SCHIP1: variants seen among roughly 807,000 people sequenced by gnomAD.
SCHIP1 encodes the protein schwannomin-interacting protein 1.
Under a neutral mutation model 29.7 loss-of-function variants are expected in SCHIP1, and 8 were observed. The ratio of observed to expected loss-of-function variants is 0.27; its 90% CI spans 0.16 to 0.49. SCHIP1 has a LOEUF of 0.49. Ranked by LOEUF, SCHIP1 falls within the 20% of genes least tolerant of loss-of-function variation. The pLI, the probability that SCHIP1 is intolerant of heterozygous loss-of-function variation, is 0.99. For synonymous variants in SCHIP1, 76 were observed against 94.9 expected, an observed-to-expected ratio of 0.80 and a Z score of 1.16; for missense variants, 193 against 294.6, an observed-to-expected ratio of 0.66 and a Z score of 2.52.
chr3:159,681,631 C>G, the SCHIP1 span, among the ~76,000 whole-genome samples: 1 of 152,158 alleles, frequency 6.6e-6, no homozygotes, highest in Non-Finnish European at 1.5e-5. Context: ...AATAATAGTC[C>G]ATGGAGTCAC....
the SCHIP1 span, among the ~76,000 whole-genome samples, chr3:159,319,957 T>C: frequency 6.6e-6 from 1 of 152,188 alleles, no homozygotes; most frequent in Non-Finnish European, 1.5e-5. Flanking sequence ...GGTGCTATGC[T>C]CAAAACCTTT....
chr3:159,455,186 C>G, the SCHIP1 span, among the ~76,000 whole-genome samples: 1 of 152,156 alleles, frequency 6.6e-6, no homozygotes, highest in African/African-American at 2.4e-5. Context: ...GGGCAATCAC[C>G]TAGCTGGGAT....
the SCHIP1 span, among the ~76,000 whole-genome samples, chr3:159,390,365 T>C: frequency 1.3e-5 from 2 of 152,128 alleles, no homozygotes; most frequent in Non-Finnish European, 2.9e-5. Flanking sequence ...TTAGATTCTA[T>C]TTAGTGATAC....
At chr3:159,895,214 CT>C (rs1481401757) in intron 6 of SCHIP1, among the ~76,000 whole-genome samples, 1 of 152,148 alleles carries the variant, frequency 6.6e-6, no homozygotes, top group African/African-American at 2.4e-5. Context: ...CGATAAGGTA[CT>C]TTTTCCTGAG....
the SCHIP1 span, among the ~76,000 whole-genome samples, chr3:159,554,072 G>A: frequency 9.2e-5 from 14 of 151,520 alleles, no homozygotes; most frequent in Non-Finnish European, 1.3e-4. Context: ...GGGTGCCACC[G>A]TGTTAGCCGG....
the SCHIP1 span, among the ~76,000 whole-genome samples, chr3:159,307,827 C>T: frequency 4.6e-5 from 7 of 151,960 alleles, no homozygotes; most frequent in Admixed American, 2.6e-4. Context: ...TATTGATTAG[C>T]GATTCCTTTC....
the SCHIP1 span, among the ~76,000 whole-genome samples, chr3:159,719,210 TATACCTC>T: frequency 6.6e-6 from 1 of 152,198 alleles, no homozygotes; most frequent in African/African-American, 2.4e-5. Flanking sequence ...ATCCCTTCCT[TATACCTC>T]ATACAAAAAT....
the SCHIP1 span, among the ~76,000 whole-genome samples, chr3:159,562,772 C>T: frequency 1.3e-5 from 2 of 152,254 alleles, no homozygotes; most frequent in South Asian, 2.1e-4. Flanking sequence ...GAAAATTATA[C>T]TTAAGGAGAT....
chr3:159,849,633 G>A (rs1345461838), intron 1 of SCHIP1, among the ~76,000 whole-genome samples: 1 of 152,168 alleles, frequency 6.6e-6, no homozygotes, highest in Non-Finnish European at 1.5e-5. Context: ...TCTGCAGAGT[G>A]AGTGGGGTCT....
the SCHIP1 span, among the ~76,000 whole-genome samples, chr3:159,726,559 A>T: frequency 6.6e-6 from 1 of 152,322 alleles, no homozygotes; most frequent in South Asian, 2.1e-4. Flanking sequence ...ACCACTTTCC[A>T]GAAGAATCTA....
the SCHIP1 span, among the ~76,000 whole-genome samples, chr3:159,465,391 G>T: frequency 6.6e-6 from 1 of 151,840 alleles, no homozygotes; most frequent in East Asian, 1.9e-4. Flanking sequence ...GAGAGAAAGA[G>T]AGACCATTTA....
the SCHIP1 span, among the ~76,000 whole-genome samples, chr3:159,313,188 C>T: frequency 6.6e-6 from 1 of 152,106 alleles, no homozygotes; most frequent in Non-Finnish European, 1.5e-5. Context: ...ATAAGGATTA[C>T]AGAAGAAGAT....
the SCHIP1 span, among the ~76,000 whole-genome samples, chr3:159,725,221 G>C: frequency 1.3e-5 from 2 of 151,610 alleles, no homozygotes; most frequent in African/African-American, 4.8e-5. Context: ...GTTCCACTTG[G>C]GAAGATGAGA....
At chr3:159,403,096 T>A in the SCHIP1 span, among the ~76,000 whole-genome samples, 3 of 152,090 alleles carry the variant, frequency 2.0e-5, no homozygotes, top group South Asian at 4.1e-4. Context: ...TTTACAAAAG[T>A]AAAGATCTCA....
chr3:159,866,602 G>C (rs1178408263), intron 2 of SCHIP1, among the ~76,000 whole-genome samples: 4 of 152,084 alleles, frequency 2.6e-5, no homozygotes, highest in Admixed American at 2.6e-4. Context: ...CTTATGATTA[G>C]AGACATGTGG....
chr3:159,887,627 C>G (rs370395985), intron 3 of SCHIP1, 81 bp from the exon 5 acceptor site: 2 of 1,523,346 alleles, frequency 1.3e-6, no homozygotes, highest in Non-Finnish European at 1.8e-6. Context: ...AGAGAAGGCT[C>G]AGAGGATGTT....
chr3:159,320,939 C>A, the SCHIP1 span, among the ~76,000 whole-genome samples: 1 of 151,574 alleles, frequency 6.6e-6, no homozygotes, highest in African/African-American at 2.4e-5. Context: ...CATGGAGTGA[C>A]TACTTAATAC....
chr3:159,776,735 C>T, the SCHIP1 span, among the ~76,000 whole-genome samples: 1 of 152,214 alleles, frequency 6.6e-6, no homozygotes, highest in African/African-American at 2.4e-5. Flanking sequence ...AGCAGATGAA[C>T]AGTTGTGTCT....
At chr3:159,808,592 C>G in the SCHIP1 span, 1 of 152,222 alleles carries the variant, frequency 6.6e-6, no homozygotes, top group Admixed American at 6.5e-5. Flanking sequence ...TTCTCACTCT[C>G]CAGTCTTTCT....
Sources: gnomAD v4.1 joint callset for allele counts (sites outside exome capture counted in the v4.1 genomes callset) on GRCh38, gnomAD v4.1.1 for gene constraint, MANE v1.5 for transcripts, NCBI Gene and HGNC (gene_info 2026-07-23, HGNC 2026-07-21) for gene names.